The following KCNK9 variants were observed in gnomAD, a reference collection of about 807,000 sequenced individuals.
KCNK9 encodes the protein potassium two pore domain channel subfamily K member 9.
A neutral mutation model predicts 10.8 loss-of-function variants in KCNK9; 1 was observed. The observed-to-expected ratio is 0.09, with a 90% confidence interval of 0.03 to 0.44. The LOEUF is 0.44. Among genes scored for constraint, KCNK9 ranks in the 20% least tolerant of loss-of-function variants. The pLI, the probability that KCNK9 is intolerant of heterozygous loss-of-function variation, is 0.97. For synonymous variants in KCNK9, 231 were observed against 222.7 expected (o/e 1.04, Z -0.33); for missense variants, 303 against 515.0 (o/e 0.59, Z 3.98).
intron 1 of KCNK9, among the ~76,000 whole-genome samples, chr8:139,622,710 C>T (rs899244452): frequency 5.3e-5 from 8 of 152,216 alleles, no homozygotes; most frequent in Admixed American, 4.6e-4. Context: ...GACCCTGTTA[C>T]ACTATCTGTT....
At chr8:139,662,993 T>C (rs187385091) in intron 1 of KCNK9, among the ~76,000 whole-genome samples, 2 of 152,044 alleles carry the variant, frequency 1.3e-5, no homozygotes, top group East Asian at 1.9e-4. Flanking sequence ...CCCCCAGCTC[T>C]TCACACCAGG....
At position 139,618,485 on chromosome 8, in the gene KCNK9, T is replaced by C. The variant is rs1210798993; in HGVS notation, c.898A>G (p.Thr300Ala). The part of the protein sequence containing the change: ...VPDLQSVCSC[T>A]CYRSQDYGGR... ...CCATAGTCCTGCGAGCGGTAGCAGG[T>C]GCAGGAGCACACAGACTGCAGGTCC... The change falls in exon 2 of 2, where the codon ACC (threonine) becomes GCC (alanine). Residue 300 changes from threonine to alanine, a missense_variant. Physicochemically the swap from Thr to Ala is moderately conservative, Grantham distance 58. Coordinates refer to ENST00000520439, the MANE Select transcript of KCNK9 (RefSeq NM_001282534.2). The surrounding 1 kb of genome is among the most constrained non-coding windows in gnomAD (Gnocchi z 7.9). The C allele has an allele frequency of 6.2e-7, 1 of 1,613,840 alleles. No individual in the cohort carries two copies. Among genetic ancestry groups the C allele is most frequent in the South Asian group, 1.1e-5 (1 of 91,070 alleles).
chr8:139,687,401 C>A (rs1563751694), intron 1 of KCNK9, among the ~76,000 whole-genome samples: 2 of 90,882 alleles, frequency 2.2e-5, no homozygotes, highest in African/African-American at 3.8e-5. Flanking sequence ...TATGTGTATA[C>A]ATATATATTC....
At chr8:139,699,125 GAGATCTGATTTCTA>G (rs1277885232) in intron 1 of KCNK9, among the ~76,000 whole-genome samples, 1 of 152,230 alleles carries the variant, frequency 6.6e-6, no homozygotes, top group African/African-American at 2.4e-5. Flanking sequence ...CTCTGCAGAT[GAGATCTGATTTCTA>G]AGATCTGATG....
chr8:139,686,786 A>G (rs1481628497), intron 1 of KCNK9, among the ~76,000 whole-genome samples: 26 of 152,222 alleles, frequency 1.7e-4, no homozygotes, highest in Non-Finnish European at 1.5e-5. Flanking sequence ...TGTTTTGTGT[A>G]TAACTTTAAA....
rs920073164 is a variant in KCNK9 at position 139,675,516 on chromosome 8, C to T, written c.283+27194G>A. On this transcript the variant is annotated intron_variant, in intron 1 of 1. Transcript: ENST00000520439. ...TCACTCTTTCTCCACCACATGAGGA[C>T]ACAGGAGAAGTCAGCCATCTGTAAC... Among the ~76,000 whole-genome samples the T allele has an allele frequency of 3.3e-5, 5 of 152,212 alleles. No homozygotes were observed. In the East Asian group the frequency reaches 7.7e-4, roughly 23 times the overall value.
chr8:139,618,232 T>C lies in KCNK9; in HGVS notation c.*26A>G. 6.2e-7 allele frequency: 1 copy of C among 1,613,978 alleles called. No individual in the cohort carries two copies. The highest frequency in any genetic ancestry group is 8.5e-7 in the Non-Finnish European group (1 of 1,179,988). On this transcript the variant is annotated 3_prime_UTR_variant, in exon 2 of 2. Transcript: ENST00000520439. This position sits in a 1 kb window ranked among gnomAD's most constrained non-coding sequence, Gnocchi z 7.9. ...TTAACACCAACTATGACAAATGACTTTTCTGTCCCATTTCCCTCCCCACAC... is the reference window on the plus strand; with the variant it reads ...TTAACACCAACTATGACAAATGACTCTTCTGTCCCATTTCCCTCCCCACAC...
intron 1 of KCNK9, among the ~76,000 whole-genome samples, chr8:139,647,933 C>T (rs1033091361): frequency 1.3e-5 from 2 of 152,156 alleles, no homozygotes; most frequent in Non-Finnish European, 2.9e-5. Flanking sequence ...AATCCCATTC[C>T]TAGGAATATG....
In KCNK9 at chr8:139,632,519, T is replaced by G. The variant is rs542063376; in HGVS notation, c.284-13420A>C. ...CTCCTCCTGCTCCTGGGCACACAGC[T>G]GGGCCACAGAGTCCCTCGCAAGTAG... On this transcript the variant is annotated intron_variant, in intron 1 of 1. Transcript: ENST00000520439. Among the ~76,000 whole-genome samples, 14 of 152,236 alleles carry G rather than the reference T, an allele frequency of 9.2e-5. No homozygotes were observed. In the East Asian group the frequency reaches 2.7e-3, roughly 29 times the overall value.
intron 1 of KCNK9, among the ~76,000 whole-genome samples, chr8:139,664,359 G>A (rs1448321541): frequency 2.3e-5 from 3 of 131,140 alleles, no homozygotes; most frequent in African/African-American, 8.7e-5. Context: ...TCTGTCTCCC[G>A]CCCTAGCCCA....
chr8:139,672,816 G>A (rs543297553), intron 1 of KCNK9, among the ~76,000 whole-genome samples: 43 of 152,192 alleles, frequency 2.8e-4, no homozygotes, highest in Non-Finnish European at 1.8e-4. Flanking sequence ...TAGGGTGTGC[G>A]GGCGGGGAAG....
chr8:139,699,469 C>T lies in KCNK9; in HGVS notation c.283+3241G>A, dbSNP rs1464409388. On this transcript the variant is annotated intron_variant, in intron 1 of 1. Coordinates refer to ENST00000520439, the MANE Select transcript of KCNK9 (RefSeq NM_001282534.2). Reference sequence around the variant, plus strand: ...TGAACCCCTAATCAAAAGGAAACTACAGGGTACCTACGAGGGTCTCCCATG... The same window carrying T: ...TGAACCCCTAATCAAAAGGAAACTATAGGGTACCTACGAGGGTCTCCCATG... Among the ~76,000 whole-genome samples, 2 of 152,230 alleles carry T rather than the reference C, an allele frequency of 1.3e-5. 1 individual carries two copies. The highest frequency in any genetic ancestry group is 4.8e-5 in the African/African-American group (2 of 41,456).
Position 139,678,009 on chromosome 8 carries a change from C to T in KCNK9, c.283+24701G>A, listed in dbSNP as rs146902159. ...CCAGCCCAACAGGTCCCCACGGCTGCAGAGTAATACCTCGCATCCCAGCCC... is the reference window on the plus strand; with the variant it reads ...CCAGCCCAACAGGTCCCCACGGCTGTAGAGTAATACCTCGCATCCCAGCCC... On this transcript the variant is annotated intron_variant, in intron 1 of 1. Coordinates refer to ENST00000520439, the MANE Select transcript of KCNK9 (RefSeq NM_001282534.2). Among the ~76,000 whole-genome samples the T allele has an allele frequency of 1.7e-3, 252 of 149,224 alleles. 2 individuals carry two copies. The highest frequency in any genetic ancestry group is 2.8e-3 in the Non-Finnish European group (189 of 67,946).
At chr8:139,646,178 T>A (rs1264447182) in intron 1 of KCNK9, among the ~76,000 whole-genome samples, 1 of 152,184 alleles carries the variant, frequency 6.6e-6, no homozygotes, top group Non-Finnish European at 1.5e-5. Flanking sequence ...GCCCTGCCTG[T>A]GAGCAGGAGC....
intron 1 of KCNK9, among the ~76,000 whole-genome samples, chr8:139,622,672 TCAGTGTGAGA>T: frequency 6.6e-6 from 1 of 152,340 alleles, no homozygotes; most frequent in East Asian, 1.9e-4. Context: ...TATTAATCAT[TCAGTGTGAGA>T]GTGCTATTTC....
intron 1 of KCNK9, among the ~76,000 whole-genome samples, chr8:139,657,134 C>T (rs1816043688): frequency 1.3e-5 from 2 of 152,182 alleles, no homozygotes; most frequent in African/African-American, 2.4e-5. Flanking sequence ...CTCAGGAAGC[C>T]TCCACTTGTC....
intron 1 of KCNK9, among the ~76,000 whole-genome samples, chr8:139,665,703 C>T (rs1816281601): frequency 6.6e-6 from 1 of 152,168 alleles, no homozygotes; most frequent in Non-Finnish European, 1.5e-5. Flanking sequence ...ATGAGGTGGC[C>T]GTGCACAAAG....
At chr8:139,700,544 GCACA>G (rs145303403) in intron 1 of KCNK9, among the ~76,000 whole-genome samples, 338 of 142,636 alleles carry the variant, frequency 2.4e-3, no homozygotes, top group Non-Finnish European at 2.6e-3. Context: ...ACACACGCGC[GCACA>G]CACACACACA....
chr8:139,620,701 C>G (rs552643502), intron 1 of KCNK9, among the ~76,000 whole-genome samples: 1 of 152,198 alleles, frequency 6.6e-6, no homozygotes, highest in Non-Finnish European at 1.5e-5. Flanking sequence ...GCCTTCCCCC[C>G]ATCCTCTCTG....
Sources: gnomAD v4.1 joint callset for allele counts (sites outside exome capture counted in the v4.1 genomes callset) on GRCh38, gnomAD v4.1.1 for gene constraint, Gnocchi (gnomAD v3.1) non-coding constraint, MANE v1.5 for transcripts, NCBI Gene and HGNC (gene_info 2026-07-23, HGNC 2026-07-21) for gene names.